The following CYP19A1 variants were observed in gnomAD, a reference collection of about 807,000 sequenced individuals.
CYP19A1 encodes cytochrome P450 family 19 subfamily A member 1, also known as aromatase.
A neutral mutation model predicts 44.4 loss-of-function variants in CYP19A1; 32 were observed. The observed-to-expected ratio is 0.72, with a 90% confidence interval of 0.54 to 0.97. CYP19A1 has a LOEUF of 0.97. CYP19A1 is among the 50% of genes least tolerant of loss of function. CYP19A1 has a pLI of 0.00. For synonymous variants in CYP19A1, 212 were observed against 215.6 expected, an observed-to-expected ratio of 0.98 and a Z score of 0.14; for missense variants, 598 against 637.8, an observed-to-expected ratio of 0.94 and a Z score of 0.67.
intron 1 of CYP19A1, among the ~76,000 whole-genome samples, chr15:51,263,922 G>T (rs530512031): frequency 6.6e-6 from 1 of 152,314 alleles, no homozygotes; most frequent in South Asian, 2.1e-4. Context: ...GCCCAGTTGT[G>T]TCACATTCTC....
In CYP19A1 at chr15:51,305,092, G is replaced by T. The variant is rs563344199; in HGVS notation, c.-39+33403C>A. Among the ~76,000 whole-genome samples, 178 of 151,884 alleles carry T rather than the reference G, an allele frequency of 1.2e-3. 1 individual carries two copies. Among genetic ancestry groups the T allele is most frequent in the African/African-American group, 4.2e-3 (174 of 41,404 alleles). On this transcript the variant is annotated intron_variant, in intron 1 of 9. Coordinates refer to ENST00000396402, the MANE Select transcript of CYP19A1 (RefSeq NM_000103.4). ...TTTTTGTATTTTTAGTAGAGACAGG[G>T]TTTCACCATATTGGCCAGGCTAGTC...
At chr15:51,223,655 C>T (rs1239077854) in intron 4 of CYP19A1, among the ~76,000 whole-genome samples, 1 of 141,580 alleles carries the variant, frequency 7.1e-6, no homozygotes, top group Non-Finnish European at 1.5e-5. Flanking sequence ...GCTGCGGAAT[C>T]CCCATGCCTA....
At chr15:51,291,795 C>T (rs1473508334) in intron 1 of CYP19A1, among the ~76,000 whole-genome samples, 1 of 152,178 alleles carries the variant, frequency 6.6e-6, no homozygotes, top group East Asian at 1.9e-4. Context: ...AGGCTAGAAC[C>T]ATGAGCAATA....
intron 1 of CYP19A1, among the ~76,000 whole-genome samples, chr15:51,283,562 G>T (rs1024308356): frequency 1.3e-5 from 2 of 152,212 alleles, no homozygotes; most frequent in Non-Finnish European, 2.9e-5. Context: ...GCTATGGCTG[G>T]ATTAAGAGTA....
chr15:51,251,257 A>G (rs926492555), intron 1 of CYP19A1, among the ~76,000 whole-genome samples: 12 of 152,132 alleles, frequency 7.9e-5, no homozygotes, highest in African/African-American at 2.9e-4. Flanking sequence ...AAGGTCCCCA[A>G]GTGGATACAC....
At chr15:51,327,818 T>G (rs1225060542) in intron 1 of CYP19A1, among the ~76,000 whole-genome samples, 1 of 152,032 alleles carries the variant, frequency 6.6e-6, no homozygotes, top group African/African-American at 2.4e-5. Flanking sequence ...TTTGTTATGC[T>G]CAAATGAAAC....
Position 51,222,388 on chromosome 15 carries a change from C to G in CYP19A1, c.589G>C (p.Asp197His), listed in dbSNP as rs771639378. ...CTCAAGAAGAGCGTGTTAGAGGTGTCCAGCATGACACGACGCAGAAGGGTC... is the reference window on the plus strand; with the variant it reads ...CTCAAGAAGAGCGTGTTAGAGGTGTGCAGCATGACACGACGCAGAAGGGTC... ...VLTLLRRVML[D>H]TSNTLFLRIP... is the part of the protein sequence containing the mutation. Residue 197 changes from aspartate to histidine, a missense_variant, in exon 5 of 10, where the codon GAC becomes CAC. By Grantham distance (81) the Asp-to-His change is moderately conservative. Coordinates refer to ENST00000396402, the MANE Select transcript of CYP19A1 (RefSeq NM_000103.4). 8 of 1,614,108 alleles carry G rather than the reference C, an allele frequency of 5.0e-6. No homozygotes were observed. In the East Asian group the frequency reaches 8.9e-5, roughly 18 times the overall value.
At chr15:51,276,055 A>T (rs1437854129) in intron 1 of CYP19A1, among the ~76,000 whole-genome samples, 5 of 152,314 alleles carry the variant, frequency 3.3e-5, no homozygotes, top group South Asian at 2.1e-4. Context: ...CCTTTTTCCT[A>T]GGAAGCTCTC....
At position 51,210,160 on chromosome 15, in the gene CYP19A1, A is replaced by C. The variant is rs2030790383; in HGVS notation, c.*648T>G. 2.8e-6 allele frequency: 1 copy of C among 354,954 alleles called. No individual in the cohort carries two copies. Among genetic ancestry groups the C allele is most frequent in the Non-Finnish European group, 5.5e-6 (1 of 180,910 alleles). The allele number at this position is 354,954 out of a possible 1,614,324, so 22.0% of individuals were successfully genotyped here. ...GAATTGTAGCACAGGCAAGTGGCTG[A>C]GGCATAAATCGACAGACTGGGAAAG... On this transcript the variant is annotated 3_prime_UTR_variant, in exon 10 of 10. Transcript: ENST00000396402.
At chr15:51,300,641 G>A (rs753201984) in intron 1 of CYP19A1, among the ~76,000 whole-genome samples, 71 of 152,204 alleles carry the variant, frequency 4.7e-4, no homozygotes, top group Non-Finnish European at 8.1e-4. Context: ...AATGCAGCAT[G>A]TGAGCAGTAC....
chr15:51,253,168 G>A (rs1433161468), intron 1 of CYP19A1, among the ~76,000 whole-genome samples: 1 of 152,208 alleles, frequency 6.6e-6, no homozygotes, highest in Non-Finnish European at 1.5e-5. Context: ...GGGGGAAATA[G>A]TGGTATTTCT....
At chr15:51,261,931 T>TC (rs1362617166) in intron 1 of CYP19A1, among the ~76,000 whole-genome samples, 3 of 152,202 alleles carry the variant, frequency 2.0e-5, no homozygotes, top group African/African-American at 7.2e-5. Flanking sequence ...TGAAAGTCCC[T>TC]CCTTTCCCCT....
rs117210474 is a variant in CYP19A1, at chr15:51,328,785, G to A, written c.-39+9710C>T. On this transcript the variant is annotated intron_variant, in intron 1 of 9. Transcript: ENST00000396402. The stretch of plus-strand genomic sequence containing the variant: ...GATTCACATCTAAATGGAATGAGTT[G>A]GAGTAAAGCAGATTGCCCTCACCAA... 7.2e-5 allele frequency among the ~76,000 whole-genome samples: 11 copies of A among 152,276 alleles called. No individual in the cohort carries two copies. The East Asian group carries it at 2.1e-3, about 29-fold the overall frequency.
intron 1 of CYP19A1, among the ~76,000 whole-genome samples, chr15:51,296,806 A>G (rs2036004182): frequency 6.6e-6 from 1 of 152,196 alleles, no homozygotes; most frequent in Non-Finnish European, 1.5e-5. Flanking sequence ...TCCTGTTTGT[A>G]AAATAAATTA....
Position 51,215,122 on chromosome 15 carries a change from T to C in CYP19A1, c.969A>G (p.Ala323=), listed in dbSNP as rs1179865746. 1 of 1,614,088 alleles carries C rather than the reference T, an allele frequency of 6.2e-7. No individual in the cohort carries two copies. The highest frequency in any genetic ancestry group is 1.7e-5 in the Admixed American group (1 of 60,016). ...VSLFFMLFLI[A]KHPNVEEAII... ...TTGCCTCTTCAACATTAGGGTGCTT[T>C]GCAATGAGAAATAGCATGAAGAACA... The change falls in exon 8 of 10, where the codon GCA becomes GCG. Residue 323 remains alanine, a synonymous_variant. Coordinates refer to ENST00000396402, the MANE Select transcript of CYP19A1 (RefSeq NM_000103.4).
chr15:51,275,873 C>G (rs2035289794), intron 1 of CYP19A1, among the ~76,000 whole-genome samples: 1 of 152,152 alleles, frequency 6.6e-6, no homozygotes, highest in African/African-American at 2.4e-5. Flanking sequence ...TAGATCGCCC[C>G]TACAGCAGGA....
Position 51,210,321 on chromosome 15 carries a change from A to C in CYP19A1, c.*487T>G. The C allele has an allele frequency of 2.1e-6, 1 of 472,424 alleles. No individual in the cohort carries two copies. The highest frequency in any genetic ancestry group is 4.2e-6 in the Non-Finnish European group (1 of 236,562). 29.3% of individuals were successfully genotyped at this position (472,424 alleles called of 1,614,324 possible). ...CAAAGACTATGAATGTTGCTTTTCCACCTCCACAGAAAACAAAATTAAAGT... is the reference window on the plus strand; with the variant it reads ...CAAAGACTATGAATGTTGCTTTTCCCCCTCCACAGAAAACAAAATTAAAGT... On this transcript the variant is annotated 3_prime_UTR_variant, in exon 10 of 10. Transcript: ENST00000396402.
intron 1 of CYP19A1, among the ~76,000 whole-genome samples, chr15:51,284,778 A>T (rs577333504): frequency 1.3e-5 from 2 of 152,356 alleles, no homozygotes; most frequent in South Asian, 4.1e-4. Context: ...ATGCACATAC[A>T]AAGAGCTGGG....
intron 3 of CYP19A1, among the ~76,000 whole-genome samples, chr15:51,234,683 C>T (rs72727168): frequency 5.3e-5 from 8 of 152,012 alleles, no homozygotes; most frequent in Non-Finnish European, 7.4e-5. Flanking sequence ...CCTGTAACCC[C>T]GGGGAGAGGC....
Sources: gnomAD v4.1 joint callset for allele counts (sites outside exome capture counted in the v4.1 genomes callset) on GRCh38, gnomAD v4.1.1 for gene constraint, MANE v1.5 for transcripts, NCBI Gene and HGNC (gene_info 2026-07-23, HGNC 2026-07-21) for gene names.